Variants in SHANK2 observed in about 807,000 individuals in gnomAD.
SHANK2 encodes SH3 and multiple ankyrin repeat domains 2.
A neutral mutation model predicts 133.7 loss-of-function variants in SHANK2; 43 were observed. That is an observed-to-expected ratio of 0.32 (90% confidence interval 0.25 to 0.41). SHANK2 has a LOEUF of 0.41. Among genes scored for constraint, SHANK2 ranks in the 10% least tolerant of loss-of-function variants. The pLI, the probability that SHANK2 is intolerant of heterozygous loss-of-function variation, is 1.00. For synonymous variants in SHANK2, 1,017 were observed against 952.8 expected, an observed-to-expected ratio of 1.07 and a Z score of -1.24; for missense variants, 1,994 against 2,235.8, an observed-to-expected ratio of 0.89 and a Z score of 2.18.
In SHANK2 at chr11:70,487,127, C is replaced by T. The variant is rs868988233; in HGVS notation, c.3166G>A (p.Asp1056Asn). The change falls in exon 25 of 26, where the codon GAC (aspartate) becomes AAC (asparagine). Residue 1056 changes from aspartate (D) to asparagine (N), a missense_variant. By Grantham distance (23) the Asp-to-Asn change is conservative. Coordinates refer to ENST00000601538, the MANE Select transcript of SHANK2 (RefSeq NM_012309.5). The surrounding 1 kb of genome is among the most constrained non-coding windows in gnomAD (Gnocchi z 5.8). Reference protein sequence around the residue: ...KSSQGSSMEIDPQAPEPPSQL... With the variant: ...KSSQGSSMEINPQAPEPPSQL... The stretch of plus-strand genomic sequence containing the variant: ...CTCGGTGGCTCCGGGGCCTGGGGGT[C>T]GATCTCCATGCTGCTGCCCTGGCTG... 1 of 1,612,052 alleles carries T rather than the reference C, an allele frequency of 6.2e-7. No homozygotes were observed. The highest frequency in any genetic ancestry group is 8.5e-7 in the Non-Finnish European group (1 of 1,180,000).
At chr11:70,895,181 A>T in intron 11 of SHANK2, among the ~76,000 whole-genome samples, 1 of 152,220 alleles carries the variant, frequency 6.6e-6, no homozygotes, top group Non-Finnish European at 1.5e-5. Context: ...CAAGCCATGC[A>T]TCTGGCTCTG....
intron 17 of SHANK2, among the ~76,000 whole-genome samples, chr11:70,599,059 AG>A (rs1314969353): frequency 6.6e-6 from 1 of 151,898 alleles, no homozygotes; most frequent in East Asian, 1.9e-4. Context: ...TAGCTAGCGG[AG>A]AAAAAAAGAG....
In SHANK2 at chr11:71,089,886, G is replaced by A. The variant is rs1451960039; in HGVS notation, c.912+2536C>T. 2.0e-5 allele frequency among the ~76,000 whole-genome samples: 3 copies of A among 152,306 alleles called. No homozygotes were observed. The South Asian group carries it at 6.2e-4, about 32-fold the overall frequency. On this transcript the variant is annotated intron_variant, in intron 8 of 25. Transcript: ENST00000601538. Reference sequence around the variant, plus strand: ...CTGGAACCGTTGGTTGACAAAGGGGGAAGAGGTCAAGGGGAGGAAGGAGGA... The same window carrying A: ...CTGGAACCGTTGGTTGACAAAGGGGAAAGAGGTCAAGGGGAGGAAGGAGGA...
chr11:71,157,718 G>A (rs1952931596), intron 2 of SHANK2, among the ~76,000 whole-genome samples: 1 of 152,136 alleles, frequency 6.6e-6, no homozygotes, highest in Non-Finnish European at 1.5e-5. Context: ...AGAATTCAAG[G>A]GGTTCTGGCC....
chr11:70,682,319 G>A (rs1352617454), intron 15 of SHANK2, among the ~76,000 whole-genome samples: 2 of 152,224 alleles, frequency 1.3e-5, no homozygotes, highest in Non-Finnish European at 2.9e-5. Context: ...CCAACAGAGT[G>A]CAGAAACAAA....
chr11:70,518,790 C>T (rs1050178237), intron 17 of SHANK2, among the ~76,000 whole-genome samples: 1 of 152,210 alleles, frequency 6.6e-6, no homozygotes, highest in Non-Finnish European at 1.5e-5. Flanking sequence ...CGTCAGCTTG[C>T]CACTTAGTGT....
In SHANK2 at chr11:70,904,655, C is replaced by T. The variant is rs149274081; in HGVS notation, c.1108-8088G>A. Among the ~76,000 whole-genome samples the T allele has an allele frequency of 4.1e-4, 63 of 152,116 alleles. No homozygotes were observed. The East Asian group carries it at 7.0e-3, about 17-fold the overall frequency. The stretch of plus-strand genomic sequence containing the variant: ...CCTGAGTAGCTGGGATTACAGGTGC[C>T]TGCCACCACACCTGGCTAATTTTTC... On this transcript the variant is annotated intron_variant, in intron 10 of 25. Coordinates refer to ENST00000601538, the MANE Select transcript of SHANK2 (RefSeq NM_012309.5).
At chr11:70,484,556 A>G (rs1031846299) in intron 25 of SHANK2, among the ~76,000 whole-genome samples, 1 of 152,170 alleles carries the variant, frequency 6.6e-6, no homozygotes, top group Non-Finnish European at 1.5e-5. Context: ...AGTCTCAGCT[A>G]TTTCTTTATA....
intron 17 of SHANK2, among the ~76,000 whole-genome samples, chr11:70,616,825 G>C (rs1464273558): frequency 6.6e-6 from 1 of 152,176 alleles, no homozygotes; most frequent in African/African-American, 2.4e-5. Flanking sequence ...GGCGAGGGGA[G>C]CCTGCGGGGC....
At chr11:70,671,757 T>C (rs1049485425) in intron 15 of SHANK2, among the ~76,000 whole-genome samples, 5 of 152,072 alleles carry the variant, frequency 3.3e-5, no homozygotes, top group Non-Finnish European at 7.4e-5. Context: ...TGTGGGCAGA[T>C]GGGATGAGGG....
intron 14 of SHANK2, among the ~76,000 whole-genome samples, chr11:70,765,215 C>T (rs559457917): frequency 3.3e-5 from 5 of 152,226 alleles, no homozygotes; most frequent in South Asian, 4.1e-4. Context: ...CATGGCTGGC[C>T]GCCTCCAAAG....
chr11:70,952,880 C>T (rs782473060), intron 10 of SHANK2: 4 of 310,176 alleles, frequency 1.3e-5, no homozygotes, highest in Admixed American at 7.5e-5. Context: ...TCCATGCAGT[C>T]CTGTAAGCCA....
rs146511956 is a variant in SHANK2, at chr11:70,535,454, C to G, written c.2062-32523G>C. On this transcript the variant is annotated intron_variant, in intron 17 of 25. Coordinates refer to ENST00000601538, the MANE Select transcript of SHANK2 (RefSeq NM_012309.5). The surrounding 1 kb of genome is among the most constrained non-coding windows in gnomAD (Gnocchi z 4.3). ...CATCTGCCATCATCCATCAGTCCAA[C>G]CATCAGTCCGTCCGTCCATCCATCC... Among the ~76,000 whole-genome samples, 58 of 152,258 alleles carry G rather than the reference C, an allele frequency of 3.8e-4. 1 individual carries two copies. Among genetic ancestry groups the G allele is most frequent in the Non-Finnish European group, 2.5e-4 (17 of 68,024 alleles).
chr11:70,941,433 C>T (rs1459535865), intron 10 of SHANK2, among the ~76,000 whole-genome samples: 2 of 152,184 alleles, frequency 1.3e-5, no homozygotes, highest in Non-Finnish European at 2.9e-5. Context: ...CTTAATACTC[C>T]TGACCTGAAA....
intron 12 of SHANK2, among the ~76,000 whole-genome samples, chr11:70,816,305 G>A (rs1246639624): frequency 1.3e-5 from 2 of 152,256 alleles, no homozygotes; most frequent in Non-Finnish European, 2.9e-5. Flanking sequence ...GTCAGCTGGC[G>A]GGTGGGTAGA....
At chr11:70,581,812 C>T (rs1554985539) in intron 17 of SHANK2, among the ~76,000 whole-genome samples, 2 of 152,250 alleles carry the variant, frequency 1.3e-5, no homozygotes. Flanking sequence ...GAGGAACTCA[C>T]CCCAAGCCTC....
intron 2 of SHANK2, among the ~76,000 whole-genome samples, chr11:71,199,418 G>A (rs747648823): frequency 7.9e-5 from 12 of 152,326 alleles, no homozygotes; most frequent in Non-Finnish European, 1.0e-4. Context: ...AATGAAATGT[G>A]ACCTGCCGTA....
At chr11:70,763,588 G>A (rs1555040690) in intron 14 of SHANK2, among the ~76,000 whole-genome samples, 1 of 152,198 alleles carries the variant, frequency 6.6e-6, no homozygotes, top group African/African-American at 2.4e-5. Context: ...AAGGGGCTGA[G>A]GGCCATGTGC....
chr11:70,618,072 G>A (rs1253594711), intron 17 of SHANK2, among the ~76,000 whole-genome samples: 1 of 152,086 alleles, frequency 6.6e-6, no homozygotes, highest in Non-Finnish European at 1.5e-5. Flanking sequence ...CGAGGCAGGT[G>A]GATCACTTGA....
Sources: gnomAD v4.1 joint callset for allele counts (sites outside exome capture counted in the v4.1 genomes callset) on GRCh38, gnomAD v4.1.1 for gene constraint, Gnocchi (gnomAD v3.1) non-coding constraint, MANE v1.5 for transcripts, NCBI Gene and HGNC (gene_info 2026-07-23, HGNC 2026-07-21) for gene names.